The following ADGRL3 variants were observed in gnomAD, a reference collection of about 807,000 sequenced individuals.
ADGRL3 encodes calcium-independent alpha-latrotoxin receptor 3.
In ADGRL3, 62 loss-of-function variants were observed where a neutral mutation model predicts 153.5. That is an observed-to-expected ratio of 0.40 (90% CI 0.33 to 0.50). ADGRL3 has a LOEUF of 0.50. Among genes scored for constraint, ADGRL3 ranks in the 20% least tolerant of loss-of-function variants. ADGRL3 has a pLI of 0.47. For missense variants in ADGRL3, 1,641 were observed against 1,859.4 expected (o/e 0.88, Z 2.16); for synonymous variants, 710 against 672.5 (o/e 1.06, Z -0.86).
intron 8 of ADGRL3, among the ~76,000 whole-genome samples, chr4:61,742,183 C>G (rs1561157938): frequency 1.3e-5 from 2 of 152,170 alleles, no homozygotes; most frequent in Admixed American, 6.5e-5. Context: ...AGAGTTGACT[C>G]TATTACGTAA....
At chr4:61,217,113 C>G (rs1743153864) in intron 1 of ADGRL3, among the ~76,000 whole-genome samples, 2 of 152,184 alleles carry the variant, frequency 1.3e-5, no homozygotes, top group African/African-American at 2.4e-5. Flanking sequence ...TGGAGCATAA[C>G]ATGGCAGAAA....
intron 4 of ADGRL3, among the ~76,000 whole-genome samples, chr4:61,585,484 C>CGAAA: frequency 6.6e-6 from 1 of 151,984 alleles, no homozygotes; most frequent in South Asian, 2.1e-4. Context: ...CCCTTCTTTT[C>CGAAA]ACATTTCATG....
chr4:61,215,846 T>C (rs1215829870), intron 1 of ADGRL3, among the ~76,000 whole-genome samples: 1 of 151,992 alleles, frequency 6.6e-6, no homozygotes, highest in African/African-American at 2.4e-5. Flanking sequence ...GCCACCGCGC[T>C]CGGCCTGGAA....
intron 6 of ADGRL3, among the ~76,000 whole-genome samples, chr4:61,711,370 T>A (rs1412268616): frequency 1.3e-5 from 2 of 150,088 alleles, no homozygotes; most frequent in Non-Finnish European, 3.0e-5. Flanking sequence ...AGTGTTACTT[T>A]CTGTCCTTTC....
At position 61,553,676 on chromosome 4, in the gene ADGRL3, T is replaced by G. The variant is rs575009219; in HGVS notation, c.260-33551T>G. ...GCATAAAAGGAAACTTCAATAATTTTAATTCATTGCACATTTTTTTTTCAA... is the reference window on the plus strand; with the variant it reads ...GCATAAAAGGAAACTTCAATAATTTGAATTCATTGCACATTTTTTTTTCAA... On this transcript the variant is annotated intron_variant, in intron 4 of 26. Transcript: ENST00000683033. Among the ~76,000 whole-genome samples, 320 of 152,318 alleles carry G rather than the reference T, an allele frequency of 2.1e-3. 2 individuals carry two copies. The highest frequency in any genetic ancestry group is 2.7e-3 in the Non-Finnish European group (184 of 68,028).
intron 1 of ADGRL3, among the ~76,000 whole-genome samples, chr4:61,281,960 AG>A (rs956040617): frequency 9.2e-5 from 14 of 152,086 alleles, no homozygotes; most frequent in African/African-American, 3.4e-4. Flanking sequence ...CTGTACTGGT[AG>A]GGCACTTGGC....
intron 1 of ADGRL3, among the ~76,000 whole-genome samples, chr4:61,237,642 T>G (rs1367252026): frequency 6.6e-6 from 1 of 152,186 alleles, no homozygotes; most frequent in Non-Finnish European, 1.5e-5. Flanking sequence ...AAGCAAAAAA[T>G]TAGCTGTAAA....
chr4:61,423,007 A>G (rs2097225755), intron 2 of ADGRL3, among the ~76,000 whole-genome samples: 1 of 152,140 alleles, frequency 6.6e-6, no homozygotes, highest in Admixed American at 6.5e-5. Flanking sequence ...AATTATAAAG[A>G]GGTGGAGCTG....
At chr4:61,288,021 A>T (rs1272405359) in intron 1 of ADGRL3, among the ~76,000 whole-genome samples, 1 of 152,038 alleles carries the variant, frequency 6.6e-6, no homozygotes, top group East Asian at 1.9e-4. Context: ...TACTACATCC[A>T]GCCAGTGTAT....
chr4:61,819,545 G>A (rs1048222024), intron 9 of ADGRL3, among the ~76,000 whole-genome samples: 3 of 151,790 alleles, frequency 2.0e-5, no homozygotes, highest in African/African-American at 7.3e-5. Context: ...AGGAATTATT[G>A]CTTTATGTAT....
At chr4:61,699,864 A>G (rs564176027) in intron 6 of ADGRL3, among the ~76,000 whole-genome samples, 1 of 152,126 alleles carries the variant, frequency 6.6e-6, no homozygotes, top group Non-Finnish European at 1.5e-5. Context: ...TAACTTGGAA[A>G]AAAAGTACTA....
intron 9 of ADGRL3, among the ~76,000 whole-genome samples, chr4:61,827,439 A>T (rs780982195): frequency 1.3e-5 from 2 of 152,202 alleles, no homozygotes. Flanking sequence ...CCTAGGTTAT[A>T]ATCGATCTTT....
intron 25 of ADGRL3, among the ~76,000 whole-genome samples, 163 bp downstream of exon 25, chr4:62,044,712 G>A (rs1560546658): frequency 1.3e-5 from 2 of 151,948 alleles, no homozygotes; most frequent in Admixed American, 6.6e-5. Flanking sequence ...TTATTCATAA[G>A]CTACTTTAAA....
chr4:61,470,171 G>C (rs961585490), intron 2 of ADGRL3, among the ~76,000 whole-genome samples: 1 of 151,944 alleles, frequency 6.6e-6, no homozygotes, highest in African/African-American at 2.4e-5. Flanking sequence ...ATTTTTTTAA[G>C]TCATAATACA....
At chr4:61,353,146 T>C (rs138289721) in intron 1 of ADGRL3, among the ~76,000 whole-genome samples, 12 of 152,184 alleles carry the variant, frequency 7.9e-5, no homozygotes, top group Admixed American at 3.3e-4. Flanking sequence ...TATATTGTCC[T>C]TTATTTGTGT....
intron 6 of ADGRL3, among the ~76,000 whole-genome samples, chr4:61,685,660 A>T (rs1257920706): frequency 6.6e-6 from 1 of 152,094 alleles, no homozygotes; most frequent in Non-Finnish European, 1.5e-5. Flanking sequence ...GTGTGGCCAA[A>T]GTCCAGTTAG....
intron 8 of ADGRL3, among the ~76,000 whole-genome samples, chr4:61,795,234 T>A (rs2097395400): frequency 6.6e-6 from 1 of 152,094 alleles, no homozygotes; most frequent in Non-Finnish European, 1.5e-5. Flanking sequence ...CTCAAACAAT[T>A]CTCCCATCTC....
chr4:61,796,590 A>T (rs2097416260), intron 8 of ADGRL3, among the ~76,000 whole-genome samples: 3 of 152,208 alleles, frequency 2.0e-5, no homozygotes, highest in Admixed American at 2.0e-4. Flanking sequence ...GACTTCATAA[A>T]AGACGAGATG....
At chr4:61,685,323 A>T (rs1271156133) in intron 6 of ADGRL3, among the ~76,000 whole-genome samples, 3 of 152,150 alleles carry the variant, frequency 2.0e-5, no homozygotes, top group African/African-American at 4.8e-5. Flanking sequence ...TAACTGTGCT[A>T]AATGCCAGTG....
Sources: allele counts gnomAD v4.1 joint callset (sites outside exome capture counted in the v4.1 genomes callset), GRCh38; gene constraint gnomAD v4.1.1; transcripts MANE v1.5; gene names NCBI Gene and HGNC (gene_info 2026-07-23, HGNC 2026-07-21).